The following RBMS3 variants were observed in gnomAD, a reference collection of about 807,000 sequenced individuals.
RBMS3 encodes RNA-binding motif, single-stranded-interacting protein 3.
RBMS3 carries 27 observed loss-of-function variants against 66.8 expected under a neutral mutation model. The observed-to-expected ratio is 0.40, with a 90% confidence interval of 0.30 to 0.56. RBMS3 has a LOEUF of 0.56. Among genes scored for constraint, RBMS3 ranks in the 20% least tolerant of loss-of-function variants. RBMS3 has a pLI of 0.40. For missense variants in RBMS3, 513 were observed against 549.5 expected (o/e 0.93, Z 0.66); for synonymous variants, 188 against 183.0 (o/e 1.03, Z -0.22).
At chr3:29,899,677 G>A in intron 9 of RBMS3, 28 bp from the exon 10 acceptor site, 1 of 1,604,230 alleles carries the variant, frequency 6.2e-7, no homozygotes, top group East Asian at 2.2e-5. Flanking sequence ...TGATTGCTTT[G>A]TGCTAATAAA....
chr3:29,360,167 T>TTTAGAGTTTCTGCTGAGAGA (rs1559515622), intron 1 of RBMS3, among the ~76,000 whole-genome samples: 4 of 152,114 alleles, frequency 2.6e-5, no homozygotes, highest in African/African-American at 9.7e-5. Context: ...CTTTTCTGCT[T>TTTAGAGTTTCTGCTGAGAGA]TCTCTTGTGG....
intron 12 of RBMS3, among the ~76,000 whole-genome samples, chr3:29,954,198 G>A (rs557828192): frequency 6.6e-6 from 1 of 151,694 alleles, no homozygotes; most frequent in East Asian, 1.9e-4. Flanking sequence ...GTGGCATCAT[G>A]TGCTTCCTCA....
intron 4 of RBMS3, among the ~76,000 whole-genome samples, chr3:29,619,420 G>C (rs1482995397): frequency 1.3e-5 from 2 of 152,198 alleles, no homozygotes; most frequent in Non-Finnish European, 2.9e-5. Context: ...AGGCATGATA[G>C]TGTAAGCTTC....
chr3:29,281,886 G>A (rs2031824723), intron 1 of RBMS3, 130 bp downstream of exon 1: 1 of 739,392 alleles, frequency 1.4e-6, no homozygotes, highest in Non-Finnish European at 2.2e-6. Flanking sequence ...TGAAATTAGT[G>A]ACATACCAAT....
intron 3 of RBMS3, among the ~76,000 whole-genome samples, chr3:29,578,657 T>C (rs972752072): frequency 6.6e-6 from 1 of 152,020 alleles, no homozygotes; most frequent in African/African-American, 2.4e-5. Flanking sequence ...TGGAACCCTG[T>C]CCCAGGAAAA....
intron 6 of RBMS3, among the ~76,000 whole-genome samples, chr3:29,843,626 TA>T (rs2058712933): frequency 6.6e-6 from 1 of 152,180 alleles, no homozygotes; most frequent in African/African-American, 2.4e-5. Flanking sequence ...CTGTATCTGC[TA>T]TTGTTTATCT....
intron 6 of RBMS3, among the ~76,000 whole-genome samples, chr3:29,809,491 C>CTGATA: frequency 6.6e-6 from 1 of 152,090 alleles, no homozygotes; most frequent in South Asian, 2.1e-4. Context: ...CAATAAATCA[C>CTGATA]TGATATATTA....
intron 4 of RBMS3, among the ~76,000 whole-genome samples, chr3:29,738,349 G>A (rs2054472258): frequency 4.6e-5 from 7 of 152,030 alleles, no homozygotes; most frequent in Admixed American, 4.6e-4. Context: ...TTTTTGTTTA[G>A]TTAAAATATA....
chr3:29,687,819 AAAAT>A (rs1188850963), intron 4 of RBMS3, among the ~76,000 whole-genome samples: 1 of 152,216 alleles, frequency 6.6e-6, no homozygotes, highest in African/African-American at 2.4e-5. Context: ...GAGGGATAAT[AAAAT>A]AATATCCTAC....
intron 1 of RBMS3, among the ~76,000 whole-genome samples, chr3:29,324,355 G>A (rs1225852109): frequency 6.6e-6 from 1 of 152,106 alleles, no homozygotes; most frequent in Non-Finnish European, 1.5e-5. Flanking sequence ...TATTGTTCAA[G>A]CCTCATAGCT....
At chr3:29,310,475 A>G (rs2034304512) in intron 1 of RBMS3, among the ~76,000 whole-genome samples, 1 of 151,500 alleles carries the variant, frequency 6.6e-6, no homozygotes, top group African/African-American at 2.4e-5. Context: ...AAACACTTAA[A>G]TACACTTGAA....
At chr3:29,681,746 G>A (rs1251220587) in intron 4 of RBMS3, among the ~76,000 whole-genome samples, 2 of 152,158 alleles carry the variant, frequency 1.3e-5, no homozygotes, top group Non-Finnish European at 2.9e-5. Flanking sequence ...TCTTTATCCA[G>A]TCTATCATTG....
chr3:29,869,814 T>G (rs1360060821), intron 7 of RBMS3, among the ~76,000 whole-genome samples: 1 of 152,174 alleles, frequency 6.6e-6, no homozygotes, highest in Non-Finnish European at 1.5e-5. Flanking sequence ...AGAGCTTTAT[T>G]TAGTATTTCA....
intron 7 of RBMS3, among the ~76,000 whole-genome samples, chr3:29,880,595 C>A (rs2149572864): frequency 6.6e-6 from 1 of 152,250 alleles, no homozygotes; most frequent in East Asian, 1.9e-4. Flanking sequence ...AGAATTATGA[C>A]TCAACAATCT....
intron 1 of RBMS3, among the ~76,000 whole-genome samples, chr3:29,330,548 G>A (rs1294214077): frequency 2.0e-5 from 3 of 152,110 alleles, no homozygotes; most frequent in Non-Finnish European, 4.4e-5. Context: ...CATTCTGGGT[G>A]GGTATCTATT....
intron 1 of RBMS3, among the ~76,000 whole-genome samples, chr3:29,361,639 G>C (rs1302257454): frequency 6.6e-6 from 1 of 152,212 alleles, no homozygotes; most frequent in Non-Finnish European, 1.5e-5. Flanking sequence ...ATCTTGCAGA[G>C]TGTTTTCCAA....
rs1395478967 is a variant in RBMS3 at position 29,647,501 on chromosome 3, G to A, written c.399+60296G>A. ...TAAATGTTCCATTGTCATGTTTCTA[G>A]ATAGAGGTGGAAACCATAACAACTA... is the stretch of plus-strand genomic sequence containing the variant. On this transcript the variant is annotated intron_variant, in intron 4 of 14. Transcript: ENST00000383767. 2.6e-5 allele frequency among the ~76,000 whole-genome samples: 4 copies of A among 152,336 alleles called. No homozygotes were observed. The South Asian group carries it at 6.2e-4, about 24-fold the overall frequency.
At chr3:29,820,893 C>T (rs530031712) in intron 6 of RBMS3, among the ~76,000 whole-genome samples, 2 of 152,280 alleles carry the variant, frequency 1.3e-5, no homozygotes, top group South Asian at 4.1e-4. Flanking sequence ...TGCGACCAAC[C>T]TGGGCAACAA....
At chr3:29,336,544 C>T (rs939044993) in intron 1 of RBMS3, among the ~76,000 whole-genome samples, 3 of 151,946 alleles carry the variant, frequency 2.0e-5, no homozygotes, top group Non-Finnish European at 2.9e-5. Context: ...TATTGCGGAA[C>T]GAAAGGATTA....
Sources: allele counts gnomAD v4.1 joint callset (sites outside exome capture counted in the v4.1 genomes callset), GRCh38; gene constraint gnomAD v4.1.1; transcripts MANE v1.5; gene names NCBI Gene and HGNC (gene_info 2026-07-23, HGNC 2026-07-21).